Variants in STIM1 observed in about 807,000 individuals in gnomAD.
STIM1 encodes stromal interaction molecule 1.
Under a neutral mutation model 74.7 loss-of-function variants are expected in STIM1, and 25 were observed. That is an observed-to-expected ratio of 0.33 (90% confidence interval 0.24 to 0.47). The LOEUF (loss-of-function observed/expected upper bound fraction) is 0.47. Ranked by LOEUF, STIM1 falls within the 20% of genes least tolerant of loss-of-function variation. The probability of loss-of-function intolerance (pLI) is 1.00; values close to 1 mark genes in which losing one functional copy is unlikely to be tolerated. For missense variants in STIM1, 728 were observed against 920.8 expected (o/e 0.79, Z 2.71); for synonymous variants, 328 against 348.8 (o/e 0.94, Z 0.66).
Position 4,059,210 on chromosome 11 carries a change from C to T in STIM1, c.498-71C>T, listed in dbSNP as rs533551028. 651 of 1,295,954 alleles carry T rather than the reference C, an allele frequency of 5.0e-4. 2 individuals are homozygous for T. The highest frequency in any genetic ancestry group is 6.8e-4 in the Non-Finnish European group (607 of 893,404). 80.3% of individuals were successfully genotyped at this position (1,295,954 alleles called of 1,614,324 possible). A position where few individuals can be genotyped will look rare whatever the true frequency, so the allele number is the denominator to read the frequency against. ...GAGCTAGAAGTGTTCCTGGGGGAGG[C>T]GGGTAATCCTACCAGGATCCTTCCT... On this transcript the variant is annotated intron_variant, in intron 4 of 12. Coordinates refer to ENST00000526596, the MANE Select transcript of STIM1 (RefSeq NM_001382567.1).
At chr11:3,859,350 A>G (rs1360152281) in intron 1 of STIM1, among the ~76,000 whole-genome samples, 7 of 152,164 alleles carry the variant, frequency 4.6e-5, no homozygotes, top group Admixed American at 2.0e-4. Context: ...CAGCCATGCT[A>G]GGTCACTTTC....
chr11:3,889,368 A>T lies in STIM1; in HGVS notation c.139+32959A>T, dbSNP rs919188898. 2.2e-5 allele frequency among the ~76,000 whole-genome samples: 3 copies of T among 139,024 alleles called. No individual in the cohort carries two copies. The East Asian group carries it at 6.2e-4, about 29-fold the overall frequency. 91.2% of individuals were successfully genotyped at this position (139,024 alleles called of 152,430 possible). A position where few individuals can be genotyped will look rare whatever the true frequency, so the allele number is the denominator to read the frequency against. On this transcript the variant is annotated intron_variant, in intron 1 of 12. Transcript: ENST00000526596. ...TGTTAAGTGCTTTCACAGATATTTA[A>T]TTTTTTTTTTTTTTTTTGAGATAGA...
intron 2 of STIM1, among the ~76,000 whole-genome samples, chr11:3,985,040 G>A (rs2093545344): frequency 6.6e-6 from 1 of 152,204 alleles, no homozygotes; most frequent in African/African-American, 2.4e-5. Flanking sequence ...ACGTATCAGT[G>A]AGAGTAGGCA....
intron 1 of STIM1, among the ~76,000 whole-genome samples, chr11:3,895,608 C>CTCTTTCTTTCTTTCTT (rs1157112648): frequency 1.3e-4 from 7 of 53,124 alleles, no homozygotes; most frequent in East Asian, 8.0e-4. Flanking sequence ...TTCTTTCTCT[C>CTCTTTCTTTCTTTCTT]TCTTTCTTTC....
chr11:4,017,784 T>C (rs1347710726), intron 2 of STIM1, among the ~76,000 whole-genome samples: 3 of 152,240 alleles, frequency 2.0e-5, no homozygotes, highest in Non-Finnish European at 4.4e-5. Flanking sequence ...ATCCCAATTC[T>C]GACAAATTCT....
chr11:4,012,734 T>G (rs1565148148), intron 2 of STIM1, among the ~76,000 whole-genome samples: 1 of 152,222 alleles, frequency 6.6e-6, no homozygotes, highest in African/African-American at 2.4e-5. Flanking sequence ...CTTGCCTGAT[T>G]GCCCTGGCCA....
intron 12 of STIM1, 166 bp downstream of exon 12, chr11:4,086,709 TACC>T (rs753506968): frequency 6.4e-5 from 99 of 1,537,980 alleles, no homozygotes; most frequent in Admixed American, 2.7e-4. Context: ...CCATCACCAC[TACC>T]ACCACCACCA....
At chr11:3,981,008 A>T (rs72851736) in intron 2 of STIM1, among the ~76,000 whole-genome samples, 7,855 of 152,154 alleles carry the variant, frequency 0.052, 324 homozygotes, top group East Asian at 0.18. Context: ...ATATATATAT[A>T]TTTTTTGGAG....
rs1565167092 is a variant in STIM1 at position 4,071,804 on chromosome 11, G to A, written c.791+1601G>A. Among the ~76,000 whole-genome samples, 3 of 152,148 alleles carry A rather than the reference G, an allele frequency of 2.0e-5. No homozygotes were observed. The South Asian group carries it at 6.2e-4, about 32-fold the overall frequency. On this transcript the variant is annotated intron_variant, in intron 6 of 12. Coordinates refer to ENST00000526596, the MANE Select transcript of STIM1 (RefSeq NM_001382567.1). Reference sequence around the variant, plus strand: ...GTTGGGGAAATGAAGGCTCAGAGAGGGTAAGTGCTTTGTTCAGGGTCATAT... The same window carrying A: ...GTTGGGGAAATGAAGGCTCAGAGAGAGTAAGTGCTTTGTTCAGGGTCATAT...
At chr11:4,063,465 A>T (rs568547265) in intron 5 of STIM1, among the ~76,000 whole-genome samples, 1 of 152,200 alleles carries the variant, frequency 6.6e-6, no homozygotes, top group Non-Finnish European at 1.5e-5. Flanking sequence ...CGGAATTTTT[A>T]AGCAATAAGT....
At position 4,080,158 on chromosome 11, in the gene STIM1, A is replaced by T. The variant is rs1470276816; in HGVS notation, c.970-2026A>T. Among the ~76,000 whole-genome samples the T allele has an allele frequency of 2.6e-5, 4 of 152,058 alleles. No homozygotes were observed. In the South Asian group the frequency reaches 6.2e-4, roughly 24 times the overall value. ...CTACTCGGGAGGCTGAGGAGGGAGG[A>T]TCACTTGAGCCCGGGAGGCAGAGGT... On this transcript the variant is annotated intron_variant, in intron 7 of 12. Coordinates refer to ENST00000526596, the MANE Select transcript of STIM1 (RefSeq NM_001382567.1).
intron 1 of STIM1, among the ~76,000 whole-genome samples, chr11:3,858,432 A>C (rs1432573357): frequency 6.6e-6 from 1 of 152,188 alleles, no homozygotes; most frequent in East Asian, 1.9e-4. Flanking sequence ...ATAATAGTGA[A>C]TTCCAGGGAG....
chr11:4,027,435 C>T (rs1271425242), intron 3 of STIM1, among the ~76,000 whole-genome samples: 1 of 152,064 alleles, frequency 6.6e-6, no homozygotes, highest in African/African-American at 2.4e-5. Context: ...CCTCAGCCTC[C>T]CGAGTAGCTG....
chr11:3,956,780 G>A (rs1429573021), intron 1 of STIM1, among the ~76,000 whole-genome samples: 2 of 123,146 alleles, frequency 1.6e-5, no homozygotes, highest in Admixed American at 2.2e-4. Context: ...CCATGATCAT[G>A]CAATTGCACT....
chr11:3,966,178 C>T (rs192725751), intron 1 of STIM1, among the ~76,000 whole-genome samples: 3 of 152,310 alleles, frequency 2.0e-5, no homozygotes, highest in Admixed American at 6.5e-5. Context: ...AAGTGCTGGC[C>T]TGGGAGTCAG....
chr11:3,884,438 A>G (rs1212144501), intron 1 of STIM1, among the ~76,000 whole-genome samples: 2 of 152,140 alleles, frequency 1.3e-5, no homozygotes, highest in East Asian at 3.9e-4. Flanking sequence ...GACAAAAGGA[A>G]CTGGTTTCTG....
intron 1 of STIM1, among the ~76,000 whole-genome samples, chr11:3,900,947 T>G (rs2092331548): frequency 6.6e-6 from 1 of 152,198 alleles, no homozygotes; most frequent in African/African-American, 2.4e-5. Flanking sequence ...TCCCAGCACT[T>G]TGGGAGGCTG....
At chr11:4,017,690 G>A (rs2093911408) in intron 2 of STIM1, among the ~76,000 whole-genome samples, 1 of 152,028 alleles carries the variant, frequency 6.6e-6, no homozygotes, top group South Asian at 2.1e-4. Context: ...GAGCCTATGA[G>A]GACCAAAGAA....
Position 3,973,000 on chromosome 11 carries a change from A to G in STIM1, c.270+5318A>G, listed in dbSNP as rs942494065. ...TCCAAAATTGCTTTCACTGCCACCA[A>G]CAAAGCTGCTTCTGCCTCCATCGTT... On this transcript the variant is annotated intron_variant, in intron 2 of 12. Coordinates refer to ENST00000526596, the MANE Select transcript of STIM1 (RefSeq NM_001382567.1). 3.4e-5 allele frequency: 17 copies of G among 507,142 alleles called. 1 individual carries two copies. Among genetic ancestry groups the G allele is most frequent in the Non-Finnish European group, 5.9e-5 (15 of 254,668 alleles). 31.4% of individuals were successfully genotyped at this position (507,142 alleles called of 1,614,324 possible). A position where few individuals can be genotyped will look rare whatever the true frequency, so the allele number is the denominator to read the frequency against.
Sources: gnomAD v4.1 joint callset for allele counts (sites outside exome capture counted in the v4.1 genomes callset) on GRCh38, gnomAD v4.1.1 for gene constraint, MANE v1.5 for transcripts, NCBI Gene and HGNC (gene_info 2026-07-23, HGNC 2026-07-21) for gene names.